The following ARID4A variants were observed in gnomAD, a reference collection of about 807,000 sequenced individuals.
The protein encoded by ARID4A is AT-rich interaction domain 4A.
In ARID4A, 39 loss-of-function variants were observed where a neutral mutation model predicts 148.6. The observed-to-expected ratio is 0.26, with a 90% CI of 0.20 to 0.34. ARID4A has a LOEUF of 0.34. Among genes scored for constraint, ARID4A ranks in the 10% least tolerant of loss-of-function variants. The pLI is 1.00. For missense variants in ARID4A, 1,265 were observed against 1,449.1 expected, an observed-to-expected ratio of 0.87 and a Z score of 2.06; for synonymous variants, 475 against 481.2, an observed-to-expected ratio of 0.99 and a Z score of 0.17.
chr14:58,365,510 TATTTC>T lies in ARID4A; in HGVS notation c.3212-6_3212-2del. The T allele has an allele frequency of 7.8e-7, 1 of 1,284,948 alleles. No homozygotes were observed. Among genetic ancestry groups the T allele is most frequent in the Non-Finnish European group, 1.1e-6 (1 of 896,142 alleles). 79.6% of individuals were successfully genotyped at this position (1,284,948 alleles called of 1,614,324 possible). On this transcript the variant is annotated splice_region_variant and splice_polypyrimidine_tract_variant and intron_variant, in intron 20 of 23. Coordinates refer to ENST00000355431, the MANE Select transcript of ARID4A (RefSeq NM_002892.4). ...TTTTTCAACATTCTCTCTTTCCCCT[TATTTC>T]AGGTCAGAAGAGGCCAAGTGATGGA...
rs370102064 is a variant in ARID4A, at chr14:58,340,069, TC to T, written c.907-4623del. On this transcript the variant is annotated intron_variant, in intron 11 of 23. Transcript: ENST00000355431. ...GACACAGAGCCAAACCATATCAGTT[TC>T]CCATCCCACTAAAATGGTAGGAAGT... Among the ~76,000 whole-genome samples, 173 of 152,294 alleles carry T rather than the reference TC, an allele frequency of 1.1e-3. 1 individual carries two copies. Among genetic ancestry groups the T allele is most frequent in the African/African-American group, 4.1e-3 (169 of 41,564 alleles).
intron 4 of ARID4A, 80 bp downstream of exon 4, chr14:58,305,089 C>A: frequency 1.7e-6 from 2 of 1,203,146 alleles, no homozygotes; most frequent in Admixed American, 2.5e-5. Flanking sequence ...TCTACATAGA[C>A]TTAACATTTT....
At chr14:58,315,651 T>C (rs1228196010) in intron 5 of ARID4A, among the ~76,000 whole-genome samples, 1 of 152,224 alleles carries the variant, frequency 6.6e-6, no homozygotes, top group African/African-American at 2.4e-5. Flanking sequence ...ACAAGAATTA[T>C]ATTGTTTGGT....
intron 7 of ARID4A, among the ~76,000 whole-genome samples, chr14:58,322,162 G>T (rs1170128430): frequency 2.0e-5 from 3 of 151,812 alleles, no homozygotes; most frequent in East Asian, 1.9e-4. Context: ...TAGAGATGGG[G>T]TTTTGTCATA....
chr14:58,355,280 G>T (rs2034821488), intron 17 of ARID4A, among the ~76,000 whole-genome samples: 1 of 152,130 alleles, frequency 6.6e-6, no homozygotes, highest in Non-Finnish European at 1.5e-5. Context: ...TTCCTATTTT[G>T]TAGAGGTGTT....
intron 16 of ARID4A, among the ~76,000 whole-genome samples, chr14:58,351,977 T>A (rs896528555): frequency 6.6e-5 from 10 of 152,198 alleles, no homozygotes; most frequent in African/African-American, 2.4e-4. Context: ...ATCAAGGTAG[T>A]CTCTGACCAA....
chr14:58,324,072 T>A (rs2033080199), intron 8 of ARID4A, among the ~76,000 whole-genome samples: 1 of 151,506 alleles, frequency 6.6e-6, no homozygotes, highest in African/African-American at 2.4e-5. Context: ...GCCTGGCTAA[T>A]TTTTTGTATT....
chr14:58,370,114 G>C (rs888975021), intron 23 of ARID4A: 2 of 152,224 alleles, frequency 1.3e-5, no homozygotes, highest in Non-Finnish European at 2.9e-5. Flanking sequence ...CAAATGGAAA[G>C]AGATCAGACT....
chr14:58,329,379 C>T (rs1368795293), intron 9 of ARID4A, 149 bp from the exon 10 acceptor site: 4 of 601,398 alleles, frequency 6.7e-6, no homozygotes, highest in Non-Finnish European at 1.2e-5. Context: ...ATTTCCTCTT[C>T]TTACCTTTTG....
chr14:58,362,310 T>C (rs1259954112), intron 19 of ARID4A, among the ~76,000 whole-genome samples: 1 of 152,098 alleles, frequency 6.6e-6, no homozygotes, highest in Non-Finnish European at 1.5e-5. Flanking sequence ...AATTTTAGGC[T>C]GAGTGCAGTG....
intron 19 of ARID4A, among the ~76,000 whole-genome samples, chr14:58,362,731 T>A (rs1041322604): frequency 6.6e-6 from 1 of 152,060 alleles, no homozygotes; most frequent in African/African-American, 2.4e-5. Flanking sequence ...CTAATTTTTG[T>A]ATTTTTAGCA....
chr14:58,352,042 G>A (rs538984890), intron 16 of ARID4A, among the ~76,000 whole-genome samples: 5 of 152,246 alleles, frequency 3.3e-5, no homozygotes, highest in East Asian at 1.9e-4. Context: ...TTTAGGACAC[G>A]ACTAAAAATG....
At chr14:58,310,908 A>T (rs1255601614) in intron 5 of ARID4A, among the ~76,000 whole-genome samples, 3 of 152,010 alleles carry the variant, frequency 2.0e-5, no homozygotes, top group African/African-American at 7.3e-5. Context: ...AGAATTTATA[A>T]GGAACTTAAA....
At chr14:58,357,326 G>T (rs2034922078) in intron 17 of ARID4A, among the ~76,000 whole-genome samples, 1 of 152,180 alleles carries the variant, frequency 6.6e-6, no homozygotes, top group East Asian at 1.9e-4. Context: ...GGACATAATG[G>T]CATCATAAGT....
intron 1 of ARID4A, 119 bp from the exon 2 acceptor site, chr14:58,299,679 T>G (rs2140123397): frequency 1.2e-6 from 1 of 825,182 alleles, no homozygotes; most frequent in South Asian, 1.6e-5. Context: ...TAAGGGGTCT[T>G]GTCCCTTGGC....
At chr14:58,313,762 G>C (rs140664765) in intron 5 of ARID4A, among the ~76,000 whole-genome samples, 1 of 152,342 alleles carries the variant, frequency 6.6e-6, no homozygotes, top group Non-Finnish European at 1.5e-5. Flanking sequence ...GCTGGTATAA[G>C]GTGCAGAGTC....
chr14:58,299,536 C>T (rs2030936359), intron 1 of ARID4A: 1 of 476,766 alleles, frequency 2.1e-6, no homozygotes, highest in South Asian at 2.3e-5. Context: ...CCGAGTTGAG[C>T]ATTCCGGGTC....
chr14:58,309,367 C>T (rs956339266), intron 5 of ARID4A, among the ~76,000 whole-genome samples: 1 of 152,294 alleles, frequency 6.6e-6, no homozygotes, highest in South Asian at 2.1e-4. Context: ...ATTTCCTCTT[C>T]CTACCATTCC....
intron 5 of ARID4A, among the ~76,000 whole-genome samples, chr14:58,317,744 C>T (rs1480801000): frequency 7.0e-6 from 1 of 142,014 alleles, no homozygotes; most frequent in Non-Finnish European, 1.5e-5. Context: ...GCAATCGTTC[C>T]ACCATGGCCT....
Sources: allele counts gnomAD v4.1 joint callset (sites outside exome capture counted in the v4.1 genomes callset), GRCh38; gene constraint gnomAD v4.1.1; transcripts MANE v1.5; gene names NCBI Gene and HGNC (gene_info 2026-07-23, HGNC 2026-07-21).